ADGRA2: variants seen among roughly 807,000 people sequenced by gnomAD.
ADGRA2 encodes G-protein coupled receptor 124.
Under a neutral mutation model 98.7 loss-of-function variants are expected in ADGRA2, and 61 were observed. That is an observed-to-expected ratio of 0.62 (90% CI 0.50 to 0.76). The LOEUF (loss-of-function observed/expected upper bound fraction) is 0.76, where lower values mean the gene tolerates loss of function less well. Among genes scored for constraint, ADGRA2 ranks in the 30% least tolerant of loss-of-function variants. The pLI is 0.00. For synonymous variants in ADGRA2, 858 were observed against 831.5 expected (o/e 1.03, Z -0.55); for missense variants, 1,712 against 1,860.0 (o/e 0.92, Z 1.46).
In ADGRA2 at chr8:37,800,208, CAT is replaced by C. The variant is rs1260969430; in HGVS notation, c.266+2675_266+2676del. Among the ~76,000 whole-genome samples the C allele has an allele frequency of 3.9e-5, 6 of 152,370 alleles. No homozygotes were observed. The South Asian group carries it at 6.2e-4, about 16-fold the overall frequency. On this transcript the variant is annotated intron_variant, in intron 1 of 18. Transcript: ENST00000412232. ...AACTCACGTATTACTGTTACGCACA[CAT>C]GTGTGCACAGGAGTCAGTAAGGCTG... is the stretch of plus-strand genomic sequence containing the variant.
At chr8:37,812,294 G>A (rs1213083115) in intron 1 of ADGRA2, among the ~76,000 whole-genome samples, 1 of 151,988 alleles carries the variant, frequency 6.6e-6, no homozygotes, top group Non-Finnish European at 1.5e-5. Context: ...TCTGCCCCAC[G>A]CTGGGCAGAG....
intron 1 of ADGRA2, among the ~76,000 whole-genome samples, chr8:37,798,222 C>CTTGCCTCTCCT (rs1325116044): frequency 6.6e-6 from 1 of 152,262 alleles, no homozygotes; most frequent in Non-Finnish European, 1.5e-5. Context: ...GTCCCGCGTC[C>CTTGCCTCTCCT]TTGCCTCTCC....
At chr8:37,798,176 C>G (rs1804396262) in intron 1 of ADGRA2, among the ~76,000 whole-genome samples, 1 of 152,232 alleles carries the variant, frequency 6.6e-6, no homozygotes, top group African/African-American at 2.4e-5. Flanking sequence ...AGGCCCCTCT[C>G]CCACGGCGCC....
intron 1 of ADGRA2, among the ~76,000 whole-genome samples, chr8:37,812,495 C>G (rs1158378449): frequency 6.6e-6 from 1 of 151,930 alleles, no homozygotes; most frequent in Non-Finnish European, 1.5e-5. Flanking sequence ...GGCGTGGTGG[C>G]GGGCACCTGT....
At chr8:37,833,272 C>A in intron 9 of ADGRA2, 64 bp downstream of exon 9, 2 of 1,313,076 alleles carry the variant, frequency 1.5e-6, no homozygotes, top group Middle Eastern at 1.9e-4. Flanking sequence ...GAGAAGCCAA[C>A]CTAACGGGCA....
chr8:37,827,561 C>T (rs1805316255), intron 2 of ADGRA2, among the ~76,000 whole-genome samples: 1 of 152,234 alleles, frequency 6.6e-6, no homozygotes, highest in Non-Finnish European at 1.5e-5. Flanking sequence ...TCCTCCAGGC[C>T]AGGCTTGGCC....
intron 1 of ADGRA2, among the ~76,000 whole-genome samples, chr8:37,811,041 G>C (rs1804812033): frequency 6.7e-6 from 1 of 150,248 alleles, no homozygotes; most frequent in Non-Finnish European, 1.5e-5. Flanking sequence ...GTGAAGCCGG[G>C]AGGCGGAGCT....
Position 37,835,916 on chromosome 8 carries a change from A to G in ADGRA2, c.2050+146A>G, listed in dbSNP as rs568105531. 4.8e-6 allele frequency: 3 copies of G among 625,096 alleles called. No individual in the cohort carries two copies. In the South Asian group the frequency reaches 5.5e-5, roughly 11 times the overall value. The allele number at this position is 625,096 out of a possible 1,614,324, so 38.7% of individuals were successfully genotyped here. ...GTTGGGTCTCTCACCTTTTCCCAACAGGGCAGAGGGTAGAGATACCCCATA... is the reference window on the plus strand; with the variant it reads ...GTTGGGTCTCTCACCTTTTCCCAACGGGGCAGAGGGTAGAGATACCCCATA... On this transcript the variant is annotated intron_variant, in intron 13 of 18. Coordinates refer to ENST00000412232, the MANE Select transcript of ADGRA2 (RefSeq NM_032777.10).
rs188030934 is a variant in ADGRA2 at position 37,840,948 on chromosome 8, C to T, written c.2747+99C>T. Reference sequence around the variant, plus strand: ...TCTGCCAGGTCCACCCAGCCATAACCCAACCCAAGCCCATGCATGCTGACC... The same window carrying T: ...TCTGCCAGGTCCACCCAGCCATAACTCAACCCAAGCCCATGCATGCTGACC... On this transcript the variant is annotated intron_variant, in intron 18 of 18. Transcript: ENST00000412232. 1,605 of 1,150,984 alleles carry T rather than the reference C, an allele frequency of 1.4e-3. 20 individuals are homozygous for T. In the East Asian group the frequency reaches 0.019, roughly 14 times the overall value. The allele number at this position is 1,150,984 out of a possible 1,614,324, so 71.3% of individuals were successfully genotyped here.
chr8:37,836,370 G>A (rs771794562), intron 13 of ADGRA2, among the ~76,000 whole-genome samples: 23 of 152,110 alleles, frequency 1.5e-4, no homozygotes, highest in Non-Finnish European at 1.6e-4. Context: ...GGGCCTTGAG[G>A]GATGATCAGG....
intron 2 of ADGRA2, among the ~76,000 whole-genome samples, chr8:37,820,632 A>AG (rs1363585206): frequency 1.3e-5 from 2 of 152,258 alleles, no homozygotes; most frequent in Admixed American, 1.3e-4. Flanking sequence ...GTCTATGAGC[A>AG]GCACGTCCAG....
intron 13 of ADGRA2, among the ~76,000 whole-genome samples, chr8:37,836,146 A>G (rs1177854497): frequency 2.0e-5 from 3 of 151,572 alleles, no homozygotes; most frequent in African/African-American, 7.3e-5. Context: ...TGCCTGCTAG[A>G]AACAGCACTG....
rs1398966148 is a variant in ADGRA2, at chr8:37,843,658, G to A, written c.*1303G>A. ...CTCTGGCCTCATCACCAAGGTGACA[G>A]AGGACACAGGGGAGGGGGAAAACCC... On this transcript the variant is annotated 3_prime_UTR_variant, in exon 19 of 19. Transcript: ENST00000412232. The A allele has an allele frequency of 1.3e-5, 2 of 152,390 alleles. No individual in the cohort carries two copies. The highest frequency in any genetic ancestry group is 4.8e-5 in the African/African-American group (2 of 41,406). The allele number at this position is 152,390 out of a possible 1,614,324, so 9.4% of individuals were successfully genotyped here. A position where few individuals can be genotyped will look rare whatever the true frequency, so the allele number is the denominator to read the frequency against.
chr8:37,800,695 C>T (rs1009074675), intron 1 of ADGRA2, among the ~76,000 whole-genome samples: 2 of 152,152 alleles, frequency 1.3e-5, no homozygotes, highest in African/African-American at 4.8e-5. Flanking sequence ...GCCCCTGCAT[C>T]TGGGAAGGAG....
At position 37,797,684 on chromosome 8, in the gene ADGRA2, T is replaced by C. The variant is rs1804374811; in HGVS notation, c.266+150T>C. 1 of 778,720 alleles carries C rather than the reference T, an allele frequency of 1.3e-6. No homozygotes were observed. Among genetic ancestry groups the C allele is most frequent in the Non-Finnish European group, 1.8e-6 (1 of 565,144 alleles). The allele number at this position is 778,720 out of a possible 1,614,324, so 48.2% of individuals were successfully genotyped here. On this transcript the variant is annotated intron_variant, in intron 1 of 18. Coordinates refer to ENST00000412232, the MANE Select transcript of ADGRA2 (RefSeq NM_032777.10). The surrounding 1 kb of genome is among the most constrained non-coding windows in gnomAD (Gnocchi z 5.3). ...GGGTTCAGGCCCCCAGAGGGGAAGA[T>C]TGGAGGAGCAGGGGAGAGACTGGGG...
intron 2 of ADGRA2, among the ~76,000 whole-genome samples, chr8:37,815,989 C>A (rs1428827806): frequency 6.6e-6 from 1 of 152,190 alleles, no homozygotes; most frequent in Non-Finnish European, 1.5e-5. Context: ...ACAGGGAGGG[C>A]CCTTGGCCCC....
rs192659470 is a variant in ADGRA2 at position 37,831,419 on chromosome 8, G to C, written c.933-4G>C. 2 of 1,609,196 alleles carry C rather than the reference G, an allele frequency of 1.2e-6. No homozygotes were observed. The highest frequency in any genetic ancestry group is 1.7e-5 in the Admixed American group (1 of 59,992). ...CACGAGCCAGCTCCACCTGCCACCC[G>C]CAGTGAGCTGACGCTGTCTCACATC... On this transcript the variant is annotated splice_polypyrimidine_tract_variant and splice_region_variant and intron_variant, in intron 7 of 18. Transcript: ENST00000412232.
At chr8:37,804,870 C>T (rs1373663530) in intron 1 of ADGRA2, among the ~76,000 whole-genome samples, 1 of 152,246 alleles carries the variant, frequency 6.6e-6, no homozygotes, top group African/African-American at 2.4e-5. Flanking sequence ...CAAGCGTACT[C>T]ACGGGGTCCC....
At chr8:37,821,309 G>A (rs1012349143) in intron 2 of ADGRA2, among the ~76,000 whole-genome samples, 1 of 152,168 alleles carries the variant, frequency 6.6e-6, no homozygotes, top group Non-Finnish European at 1.5e-5. Context: ...TACACAGAAC[G>A]CATGGCAGCA....
Sources: allele counts gnomAD v4.1 joint callset (sites outside exome capture counted in the v4.1 genomes callset), GRCh38; gene constraint gnomAD v4.1.1; non-coding constraint Gnocchi (gnomAD v3.1); transcripts MANE v1.5; gene names NCBI Gene and HGNC (gene_info 2026-07-23, HGNC 2026-07-21).